Variants in ZNF432 observed in about 807,000 individuals in gnomAD.
ZNF432 encodes the protein zinc finger protein 432.
In ZNF432, 10 loss-of-function variants were observed where a neutral mutation model predicts 13.9. The observed-to-expected ratio is 0.72, with a 90% CI of 0.44 to 1.22. The LOEUF (loss-of-function observed/expected upper bound fraction) is 1.22. Among genes scored for constraint, ZNF432 ranks in the 50% most tolerant of loss-of-function variants. The pLI, the probability that ZNF432 is intolerant of heterozygous loss-of-function variation, is 0.00. For synonymous variants in ZNF432, 247 were observed against 256.2 expected (o/e 0.96, Z 0.34); for missense variants, 793 against 796.2 (o/e 1.00, Z 0.05).
At chr19:52,037,906 G>A (rs1184204842) in intron 4 of ZNF432, among the ~76,000 whole-genome samples, 3 of 151,726 alleles carry the variant, frequency 2.0e-5, no homozygotes, top group Non-Finnish European at 4.4e-5. Context: ...TTATGTCTCA[G>A]CATCAGTTAA....
Position 52,035,064 on chromosome 19 carries a change from G to T in ZNF432, c.615C>A (p.His205Gln). The change falls in exon 5 of 5, where the codon CAC (histidine) becomes CAA (glutamine). Residue 205 changes from histidine to glutamine, a missense_variant. By Grantham distance (24) the His-to-Gln change is conservative. Coordinates refer to ENST00000221315, the MANE Select transcript of ZNF432 (RefSeq NM_014650.4). ...ACGCTTTCCCACATTCACTGCATACGTGGTTTTTTTCTATTTCATGAGTTC... is the reference window on the plus strand; with the variant it reads ...ACGCTTTCCCACATTCACTGCATACTTGGTTTTTTTCTATTTCATGAGTTC... The part of the protein sequence containing the change: ...HQRTHEIEKN[H>Q]VCSECGKAFV... 2 of 1,614,082 alleles carry T rather than the reference G, an allele frequency of 1.2e-6. No individual in the cohort carries two copies. The highest frequency in any genetic ancestry group is 1.7e-6 in the Non-Finnish European group (2 of 1,180,022).
chr19:52,047,790 T>C (rs2087201064), intron 1 of ZNF432, among the ~76,000 whole-genome samples: 2 of 151,434 alleles, frequency 1.3e-5, no homozygotes, highest in South Asian at 4.2e-4. Context: ...TAGAAAACAA[T>C]TCAAAAATAT....
chr19:52,037,870 A>C (rs535785305), intron 4 of ZNF432, among the ~76,000 whole-genome samples: 3 of 152,050 alleles, frequency 2.0e-5, no homozygotes, highest in Non-Finnish European at 4.4e-5. Flanking sequence ...TCTGCCACCA[A>C]TAACATCTAC....
chr19:52,046,161 T>C (rs753288170), intron 2 of ZNF432, among the ~76,000 whole-genome samples: 1 of 152,086 alleles, frequency 6.6e-6, no homozygotes, highest in Non-Finnish European at 1.5e-5. Context: ...TTATCAAACA[T>C]GGCACCCAAC....
intron 4 of ZNF432, among the ~76,000 whole-genome samples, chr19:52,037,777 G>A (rs1351408598): frequency 7.3e-6 from 1 of 136,942 alleles, no homozygotes; most frequent in Non-Finnish European, 1.5e-5. Context: ...GCAACAAAGT[G>A]AGACTCTACC....
chr19:52,046,220 T>G (rs2087181547), intron 2 of ZNF432, among the ~76,000 whole-genome samples: 1 of 152,104 alleles, frequency 6.6e-6, no homozygotes. Context: ...CTGCAGTTAA[T>G]GCCAGTTCAG....
intron 2 of ZNF432, among the ~76,000 whole-genome samples, chr19:52,043,986 C>T (rs1044435518): frequency 6.6e-6 from 1 of 151,990 alleles, no homozygotes; most frequent in African/African-American, 2.4e-5. Context: ...GCTGGTTCCC[C>T]GGGTCCCCTT....
intron 4 of ZNF432, among the ~76,000 whole-genome samples, chr19:52,039,660 T>A (rs369271332): frequency 2.7e-5 from 4 of 150,018 alleles, no homozygotes; most frequent in African/African-American, 1.0e-4. Context: ...GGTGAAACCC[T>A]GTCTCTACAA....
chr19:52,040,355 G>T, intron 4 of ZNF432, 133 bp downstream of exon 4: 1 of 768,248 alleles, frequency 1.3e-6, no homozygotes, highest in South Asian at 1.5e-5. Context: ...AAAATAAGAT[G>T]GGAAGGGTTT....
Position 52,031,527 on chromosome 19 carries a change from G to A in ZNF432, c.*2193C>T, listed in dbSNP as rs1403803196. On this transcript the variant is annotated 3_prime_UTR_variant, in exon 5 of 5. Coordinates refer to ENST00000221315, the MANE Select transcript of ZNF432 (RefSeq NM_014650.4). ...CAGTAACAAAAATTAAAACTATTTA[G>A]ACACCTAACAACTTGGATAGATCTT... 6.6e-6 allele frequency: 1 copy of A among 152,118 alleles called. No individual in the cohort carries two copies. Among genetic ancestry groups the A allele is most frequent in the Non-Finnish European group, 1.5e-5 (1 of 68,018 alleles). The allele number at this position is 152,118 out of a possible 1,614,324, so 9.4% of individuals were successfully genotyped here.
At chr19:52,036,936 G>T (rs965988371) in intron 4 of ZNF432, among the ~76,000 whole-genome samples, 2 of 152,142 alleles carry the variant, frequency 1.3e-5, no homozygotes, top group African/African-American at 4.8e-5. Flanking sequence ...TTCCCAAAGT[G>T]CTGGGACTAT....
chr19:52,037,341 G>A (rs1299889143), intron 4 of ZNF432, among the ~76,000 whole-genome samples: 1 of 152,156 alleles, frequency 6.6e-6, no homozygotes, highest in Non-Finnish European at 1.5e-5. Context: ...GTTTAGCTGT[G>A]TTGCGTTATC....
chr19:52,032,918 C>G lies in ZNF432; in HGVS notation c.*802G>C, dbSNP rs1301113628. On this transcript the variant is annotated 3_prime_UTR_variant, in exon 5 of 5. Coordinates refer to ENST00000221315, the MANE Select transcript of ZNF432 (RefSeq NM_014650.4). ...CTCCAGTATGAAATATATCTGCCAA[C>G]TGTTAAGGTTTTATTTCTGGGCAAA... 1 of 152,158 alleles carries G rather than the reference C, an allele frequency of 6.6e-6. No individual in the cohort carries two copies. The highest frequency in any genetic ancestry group is 6.6e-5 in the Admixed American group (1 of 15,266). The allele number at this position is 152,158 out of a possible 1,614,324, so 9.4% of individuals were successfully genotyped here.
chr19:52,041,863 G>C (rs544340493), intron 2 of ZNF432, among the ~76,000 whole-genome samples: 1 of 151,976 alleles, frequency 6.6e-6, no homozygotes, highest in African/African-American at 2.4e-5. Flanking sequence ...TTTAATTTTG[G>C]TATCTATTGA....
chr19:52,038,213 A>G (rs1402908901), intron 4 of ZNF432, among the ~76,000 whole-genome samples: 2 of 152,146 alleles, frequency 1.3e-5, no homozygotes, highest in Admixed American at 6.5e-5. Flanking sequence ...AGCTTCTATC[A>G]CTGACCTGTA....
rs770363541 is a variant in ZNF432, at chr19:52,040,542, G to A, written c.184C>T (p.Arg62Ter). The change falls in exon 4 of 5, where the codon CGA becomes TGA. Residue 62 changes from arginine to a stop codon, truncating the protein, a stop_gained. Transcript: ENST00000221315. LOFTEE classifies it high-confidence loss of function. ...TCCATTGTCCATGGTTCTTCTCCTC[G>A]TTCCAACTTGGAGAGTGCATCTGGT... ...SKPDALSKLE[R>*]GEEPWTMEDE... is the part of the protein sequence containing the mutation. The A allele has an allele frequency of 2.5e-5, 40 of 1,613,916 alleles. No individual in the cohort carries two copies. The highest frequency in any genetic ancestry group is 3.3e-5 in the Admixed American group (2 of 59,976).
chr19:52,042,092 C>G (rs957439581), intron 2 of ZNF432, among the ~76,000 whole-genome samples: 4 of 152,078 alleles, frequency 2.6e-5, no homozygotes, highest in Admixed American at 6.5e-5. Flanking sequence ...ATTGGGAAAA[C>G]TTATTCTTGG....
intron 1 of ZNF432, among the ~76,000 whole-genome samples, chr19:52,048,076 T>A (rs1271509493): frequency 6.7e-6 from 1 of 149,590 alleles, no homozygotes; most frequent in Non-Finnish European, 1.5e-5. Flanking sequence ...GACCTGAAAC[T>A]TTTAGGAAAT....
rs1301496112 is a variant in ZNF432, at chr19:52,040,544, T to C, written c.182A>G (p.Glu61Gly). 3 of 1,614,060 alleles carry C rather than the reference T, an allele frequency of 1.9e-6. No individual in the cohort carries two copies. Among genetic ancestry groups the C allele is most frequent in the Non-Finnish European group, 2.5e-6 (3 of 1,180,026 alleles). The change falls in exon 4 of 5, where the codon GAA becomes GGA. Residue 61 changes from glutamate to glycine, a missense_variant. Transcript: ENST00000221315. ...CATTGTCCATGGTTCTTCTCCTCGT[T>C]CCAACTTGGAGAGTGCATCTGGTTT... is the stretch of plus-strand genomic sequence containing the variant. ...VSKPDALSKL[E>G]RGEEPWTMED...
Sources: allele counts gnomAD v4.1 joint callset (sites outside exome capture counted in the v4.1 genomes callset), GRCh38; gene constraint gnomAD v4.1.1; transcripts MANE v1.5; gene names NCBI Gene and HGNC (gene_info 2026-07-23, HGNC 2026-07-21).